The following FRMPD4 variants were observed in gnomAD, a reference collection of about 807,000 sequenced individuals.
The protein encoded by FRMPD4 is FERM and PDZ domain-containing protein 4.
FRMPD4 carries 22 observed loss-of-function variants against 94.1 expected under a neutral mutation model. That is an observed-to-expected ratio of 0.23 (90% CI 0.17 to 0.33). The LOEUF (loss-of-function observed/expected upper bound fraction) is 0.33. FRMPD4 is among the 10% of genes least tolerant of loss of function. The probability of loss-of-function intolerance (pLI) is 1.00; values close to 1 mark genes in which losing one functional copy is unlikely to be tolerated. For synonymous variants in FRMPD4, 631 were observed against 548.6 expected (o/e 1.15, Z -2.10); for missense variants, 1,111 against 1,339.9 (o/e 0.83, Z 2.67).
At chrX:12,058,768 C>A (rs187460073) in intron 3 of FRMPD4, among the ~76,000 whole-genome samples, 68 of 110,830 alleles carry the variant, frequency 6.1e-4, no homozygotes, top group African/African-American at 2.1e-3. Flanking sequence ...TTTGCAACCC[C>A]CCTCCCTGCC....
chrX:11,954,533 C>T (rs761573284), intron 3 of FRMPD4, among the ~76,000 whole-genome samples: 2 of 111,454 alleles, frequency 1.8e-5, no homozygotes, highest in South Asian at 7.6e-4. Context: ...ATGTGGAAAG[C>T]TTAATTAAAG....
chrX:12,515,875 G>A (rs750824813), intron 2 of FRMPD4, among the ~76,000 whole-genome samples: 3 of 111,663 alleles, frequency 2.7e-5, no homozygotes, highest in East Asian at 2.8e-4. Context: ...GAATCTGGGT[G>A]CTCCTGTATT....
intron 2 of FRMPD4, among the ~76,000 whole-genome samples, chrX:12,576,777 T>C (rs986325799): frequency 5.3e-5 from 6 of 112,320 alleles, no homozygotes; most frequent in African/African-American, 1.9e-4. Context: ...CTTTAGCACA[T>C]TGTTTATAAA....
intron 2 of FRMPD4, among the ~76,000 whole-genome samples, chrX:12,586,732 T>G (rs888127241): frequency 8.9e-6 from 1 of 112,063 alleles, no homozygotes. Flanking sequence ...ATTAATTAGA[T>G]CTTCCTTTCT....
intron 2 of FRMPD4, among the ~76,000 whole-genome samples, chrX:12,594,732 G>T (rs1276243982): frequency 2.7e-5 from 3 of 111,747 alleles, no homozygotes; most frequent in Non-Finnish European, 5.6e-5. Flanking sequence ...ACCGTACCCG[G>T]CCAGTTAACC....
chrX:12,321,882 T>G (rs968064120), intron 1 of FRMPD4, among the ~76,000 whole-genome samples: 2 of 111,871 alleles, frequency 1.8e-5, no homozygotes, highest in African/African-American at 6.5e-5. Flanking sequence ...GAGGAAACTG[T>G]GAACTCAGAT....
At chrX:12,186,201 C>T (rs904857861) in intron 1 of FRMPD4, among the ~76,000 whole-genome samples, 1 of 111,198 alleles carries the variant, frequency 9.0e-6, no homozygotes, top group Non-Finnish European at 1.9e-5. Flanking sequence ...TGTCAGATGC[C>T]TCCCTGCTAA....
intron 3 of FRMPD4, among the ~76,000 whole-genome samples, chrX:12,053,526 G>A (rs1300091854): frequency 3.7e-5 from 4 of 108,768 alleles, no homozygotes; most frequent in Non-Finnish European, 7.7e-5. Context: ...AAAGAAGGAA[G>A]GAAGGAAAAT....
At chrX:12,356,763 A>G (rs1211858002) in intron 1 of FRMPD4, among the ~76,000 whole-genome samples, 2 of 112,318 alleles carry the variant, frequency 1.8e-5, no homozygotes, top group Non-Finnish European at 3.8e-5. Context: ...GTGCTATTAA[A>G]AAAAGCATAG....
intron 3 of FRMPD4, among the ~76,000 whole-genome samples, chrX:12,111,060 A>T (rs2055356700): frequency 8.9e-6 from 1 of 111,817 alleles, no homozygotes; most frequent in African/African-American, 3.3e-5. Context: ...ACAAAATTGG[A>T]AAAAACTACT....
At chrX:12,474,541 C>A (rs1418201107) in intron 1 of FRMPD4, among the ~76,000 whole-genome samples, 1 of 111,058 alleles carries the variant, frequency 9.0e-6, no homozygotes, top group Non-Finnish European at 1.9e-5. Context: ...TTGAAACGAT[C>A]AACAAAACTG....
chrX:12,375,433 A>G (rs2056223341), intron 1 of FRMPD4, among the ~76,000 whole-genome samples: 1 of 112,009 alleles, frequency 8.9e-6, no homozygotes, highest in Non-Finnish European at 1.9e-5. Context: ...GGCAGAATTC[A>G]GTTCCTTGCA....
intron 1 of FRMPD4, among the ~76,000 whole-genome samples, chrX:12,439,190 A>G (rs2148118919): frequency 9.0e-6 from 1 of 111,372 alleles, no homozygotes; most frequent in South Asian, 3.9e-4. Flanking sequence ...CCAGTAACCC[A>G]GTGTATGCAG....
At chrX:12,440,124 T>TA (rs897949883) in intron 1 of FRMPD4, among the ~76,000 whole-genome samples, 3 of 111,437 alleles carry the variant, frequency 2.7e-5, no homozygotes, top group Non-Finnish European at 5.6e-5. Flanking sequence ...ATTTAGAAAA[T>TA]AAAAATACAG....
intron 4 of FRMPD4, among the ~76,000 whole-genome samples, chrX:12,637,145 G>A (rs2059450301): frequency 8.9e-6 from 1 of 111,994 alleles, no homozygotes; most frequent in African/African-American, 3.2e-5. Flanking sequence ...TCAAATGCAG[G>A]ACAAAAGGTT....
At chrX:12,196,474 A>C (rs2056568312) in intron 1 of FRMPD4, among the ~76,000 whole-genome samples, 1 of 110,627 alleles carries the variant, frequency 9.0e-6, no homozygotes, top group African/African-American at 3.3e-5. Flanking sequence ...GGGCCAGTTG[A>C]AGTTTGGAAC....
intron 1 of FRMPD4, among the ~76,000 whole-genome samples, chrX:12,154,709 T>C (rs185728707): frequency 5.3e-4 from 60 of 113,028 alleles, no homozygotes; most frequent in African/African-American, 1.8e-3. Context: ...TATCAGGACA[T>C]TTTAGCTGCA....
chrX:12,153,008 A>C (rs2147600260), intron 1 of FRMPD4, among the ~76,000 whole-genome samples: 1 of 100,444 alleles, frequency 1.0e-5, no homozygotes, highest in Non-Finnish European at 2.0e-5. Context: ...ATCTCGGCTC[A>C]CTGCAAGCTC....
rs61127738 is a variant in FRMPD4 at position 12,200,202 on chromosome X, T to C, written c.41+61190T>C. On this transcript the variant is annotated intron_variant, in intron 1 of 16. Coordinates refer to ENST00000675598, the MANE Select transcript of FRMPD4 (RefSeq NM_001368397.1). ...TCCTCAGGCAGAAAGGGAGTTTGTT[T>C]TGGGAAAGGGTGATTATCATCTTTG... Among the ~76,000 whole-genome samples, 864 of 111,764 alleles carry C rather than the reference T, an allele frequency of 7.7e-3. 6 individuals are homozygous for C. Among genetic ancestry groups the C allele is most frequent in the African/African-American group, 0.026 (797 of 30,790 alleles).
Sources: allele counts gnomAD v4.1 joint callset (sites outside exome capture counted in the v4.1 genomes callset), GRCh38; gene constraint gnomAD v4.1.1; transcripts MANE v1.5; gene names NCBI Gene and HGNC (gene_info 2026-07-23, HGNC 2026-07-21).